HOXA6: variants seen among roughly 807,000 people sequenced by gnomAD.
HOXA6 encodes the protein homeobox protein Hox-A6.
A neutral mutation model predicts 23.2 loss-of-function variants in HOXA6; 19 were observed. That is an observed-to-expected ratio of 0.82 (90% CI 0.57 to 1.20). HOXA6 has a LOEUF of 1.20. Ranked by LOEUF, HOXA6 falls within the 50% of genes most tolerant of loss-of-function variation. The pLI is 0.00. For synonymous variants in HOXA6, 140 were observed against 132.6 expected, an observed-to-expected ratio of 1.06 and a Z score of -0.38; for missense variants, 346 against 313.6, an observed-to-expected ratio of 1.10 and a Z score of -0.78.
rs768371033 is a variant in HOXA6 at position 27,147,490 on chromosome 7, C to A, written c.260G>T (p.Gly87Val). ...CTTGCCACTGCCCGAGGGCGAGGCGCCACTGAGGTCCTTATCAGAATAGAA... is the reference window on the plus strand; with the variant it reads ...CTTGCCACTGCCCGAGGGCGAGGCGACACTGAGGTCCTTATCAGAATAGAA... ...SCFYSDKDLS[G>V]ASPSGSGKQR... The change falls in exon 1 of 2, where the codon GGC becomes GTC. Residue 87 changes from glycine (G) to valine (V), a missense_variant. Transcript: ENST00000222728. 6.2e-7 allele frequency: 1 copy of A among 1,614,078 alleles called. No homozygotes were observed. The highest frequency in any genetic ancestry group is 2.2e-5 in the East Asian group (1 of 44,870).
At position 27,147,477 on chromosome 7, in the gene HOXA6, C is replaced by G. The variant is rs1782811631; in HGVS notation, c.273G>C (p.Ser91=). 1.9e-6 allele frequency: 3 copies of G among 1,613,888 alleles called. No homozygotes were observed. Among genetic ancestry groups the G allele is most frequent in the Non-Finnish European group, 2.5e-6 (3 of 1,180,000 alleles). ...SDKDLSGASP[S]GSGKQRGPGD... The stretch of plus-strand genomic sequence containing the variant: ...CGGGGCCCCTCTGCTTGCCACTGCC[C>G]GAGGGCGAGGCGCCACTGAGGTCCT... The change falls in exon 1 of 2, where the codon TCG becomes TCC. Residue 91 remains serine, a synonymous_variant. Transcript: ENST00000222728.
rs1418077557 is a variant in HOXA6 at position 27,147,237 on chromosome 7, G to A, written c.442+71C>T. ...TTCTCTCTATTCCTCTTTCTACTCT[G>A]TTTCCTCCTTCTTTCTTTCTTTTCC... On this transcript the variant is annotated intron_variant, in intron 1 of 1. Transcript: ENST00000222728. 5 of 1,386,636 alleles carry A rather than the reference G, an allele frequency of 3.6e-6. No individual in the cohort carries two copies. The South Asian group carries it at 3.9e-5, about 11-fold the overall frequency. The allele number at this position is 1,386,636 out of a possible 1,614,324, so 85.9% of individuals were successfully genotyped here.
chr7:27,146,051 G>C, intron 1 of HOXA6, 134 bp from the exon 2 acceptor site: 1 of 1,043,838 alleles, frequency 9.6e-7, no homozygotes, highest in Non-Finnish European at 1.4e-6. Context: ...ACTATGTCTG[G>C]GGCCCAAAGC....
In HOXA6 at chr7:27,147,756, G is replaced by A. The variant is rs935855248; in HGVS notation, c.-7C>T. 2 of 1,601,270 alleles carry A rather than the reference G, an allele frequency of 1.2e-6. No individual in the cohort carries two copies. Among genetic ancestry groups the A allele is most frequent in the Non-Finnish European group, 8.5e-7 (1 of 1,177,220 alleles). On this transcript the variant is annotated 5_prime_UTR_variant, in exon 1 of 2. Coordinates refer to ENST00000222728, the MANE Select transcript of HOXA6 (RefSeq NM_024014.4). Reference sequence around the variant, plus strand: ...TCACAAAATAGGAACTCATTTGCGCGCCCCTCTGCAGGACTGTGATTTGTT... The same window carrying A: ...TCACAAAATAGGAACTCATTTGCGCACCCCTCTGCAGGACTGTGATTTGTT...
chr7:27,147,736 A>G lies in HOXA6; in HGVS notation c.14T>C (p.Phe5Ser). 1 of 1,608,118 alleles carries G rather than the reference A, an allele frequency of 6.2e-7. No individual in the cohort carries two copies. Among genetic ancestry groups the G allele is most frequent in the Non-Finnish European group, 8.5e-7 (1 of 1,178,932 alleles). ...GCTCCCGGGGAAAGTGGGATTCACA[A>G]AATAGGAACTCATTTGCGCGCCCCT... Reference protein sequence around the residue: MSSYFVNPTFPGSLP... With the variant: MSSYSVNPTFPGSLP... The change falls in exon 1 of 2, where the codon TTT (phenylalanine) becomes TCT (serine). Residue 5 changes from phenylalanine (F) to serine (S), a missense_variant. Transcript: ENST00000222728.
At position 27,145,901 on chromosome 7, in the gene HOXA6, G is replaced by C. The variant is rs17500863; in HGVS notation, c.459C>G (p.Ser153Arg). Reference sequence around the variant, plus strand: ...AGGTCTGGCGGCCTCGGCGCCCATGGCTCCCATACACAGCACCTACGAGCA... The same window carrying C: ...AGGTCTGGCGGCCTCGGCGCCCATGCCTCCCATACACAGCACCTACGAGCA... ...MNSCAGAVYG[S>R]HGRRGRQTYT... Residue 153 changes from serine (S) to arginine (R), a missense_variant, in exon 2 of 2, where the codon AGC (serine) becomes AGG (arginine). Physicochemically the swap from Ser to Arg is moderately radical, Grantham distance 110. Transcript: ENST00000222728. The C allele has an allele frequency of 3.1e-6, 5 of 1,612,546 alleles. No homozygotes were observed. Among genetic ancestry groups the C allele is most frequent in the Non-Finnish European group, 4.2e-6 (5 of 1,179,500 alleles).
At chr7:27,146,061 C>T in intron 1 of HOXA6, 144 bp from the exon 2 acceptor site, 1 of 924,784 alleles carries the variant, frequency 1.1e-6, no homozygotes, top group Non-Finnish European at 1.6e-6. Flanking sequence ...GGGCCCAAAG[C>T]ATACTGAATG....
intron 1 of HOXA6, among the ~76,000 whole-genome samples, 197 bp from the exon 2 acceptor site, chr7:27,146,114 G>A (rs895815032): frequency 4.6e-5 from 7 of 152,318 alleles, no homozygotes; most frequent in African/African-American, 1.7e-4. Context: ...CACCTATAAC[G>A]ACTTGGGGTG....
chr7:27,147,682 C>T lies in HOXA6; in HGVS notation c.68G>A (p.Gly23Asp). Residue 23 changes from glycine (G) to aspartate (D), a missense_variant, in exon 1 of 2, where the codon GGC becomes GAC. By Grantham distance (94) the Gly-to-Asp change is moderately conservative. Coordinates refer to ENST00000222728, the MANE Select transcript of HOXA6 (RefSeq NM_024014.4). ...GCCAGCCTGGTAGAGGGGCAGCTGG[C>T]CCAAGAAGGAGTCCTGGCCGCTGGG... ...SLPSGQDSFLGQLPLYQAGYD... is the reference protein window; with the variant it reads ...SLPSGQDSFLDQLPLYQAGYD... The T allele has an allele frequency of 6.2e-7, 1 of 1,613,856 alleles. No homozygotes were observed. Among genetic ancestry groups the T allele is most frequent in the Non-Finnish European group, 8.5e-7 (1 of 1,180,012 alleles).
Position 27,145,462 on chromosome 7 carries a change from GTTTT to G in HOXA6, c.*192_*195del. On this transcript the variant is annotated 3_prime_UTR_variant, in exon 2 of 2. Coordinates refer to ENST00000222728, the MANE Select transcript of HOXA6 (RefSeq NM_024014.4). ...TGTGTGTGAGGTTTTGTTTTGTTTT[GTTTT>G]GTTTTGTTTTGTTTTGTTTTGTTTT... 1.5e-6 allele frequency: 1 copy of G among 659,616 alleles called. No homozygotes were observed. 40.9% of individuals were successfully genotyped at this position (659,616 alleles called of 1,614,324 possible).
rs1782804787 is a variant in HOXA6 at position 27,147,345 on chromosome 7, CG to C, written c.404del (p.Pro135ArgfsTer9). The C allele has an allele frequency of 6.2e-7, 1 of 1,614,158 alleles. No individual in the cohort carries two copies. Among genetic ancestry groups the C allele is most frequent in the Non-Finnish European group, 8.5e-7 (1 of 1,180,020 alleles). On this transcript the variant is annotated frameshift_variant, in exon 1 of 2. Coordinates refer to ENST00000222728, the MANE Select transcript of HOXA6 (RefSeq NM_024014.4). LOFTEE classifies it high-confidence loss of function. The part of the protein sequence containing the change: ...DEGADRKYTS[P>X]VYPWMQRMNS... Reference sequence around the variant, plus strand: ...TCATCCGCTGCATCCAAGGGTAAACCGGGCTCGTGTACTTCCGGTCGGCGCC... The same window carrying C: ...TCATCCGCTGCATCCAAGGGTAAACCGGCTCGTGTACTTCCGGTCGGCGCC...
intron 1 of HOXA6, 63 bp downstream of exon 1, chr7:27,147,245 C>T: frequency 3.5e-6 from 5 of 1,439,304 alleles, no homozygotes; most frequent in Non-Finnish European, 4.8e-6. Context: ...CTGTTTCCTC[C>T]TTCTTTCTTT....
chr7:27,145,649 C>G lies in HOXA6; in HGVS notation c.*9G>C. 2 of 1,611,334 alleles carry G rather than the reference C, an allele frequency of 1.2e-6. No individual in the cohort carries two copies. Among genetic ancestry groups the G allele is most frequent in the South Asian group, 2.2e-5 (2 of 90,894 alleles). ...GGTTGCAGCGCTGGCCTGGTCCCTGCCCAGGCATCTACTCGCCCGCCTTTG... is the reference window on the plus strand; with the variant it reads ...GGTTGCAGCGCTGGCCTGGTCCCTGGCCAGGCATCTACTCGCCCGCCTTTG... On this transcript the variant is annotated 3_prime_UTR_variant, in exon 2 of 2. Transcript: ENST00000222728.
In HOXA6 at chr7:27,147,716, C is replaced by T. The variant is rs1290978067; in HGVS notation, c.34G>A (p.Gly12Arg). The part of the protein sequence containing the change: ...SSYFVNPTFP[G>R]SLPSGQDSFL... ...GAGTCCTGGCCGCTGGGAAGGCTCC[C>T]GGGGAAAGTGGGATTCACAAAATAG... Residue 12 changes from glycine (G) to arginine (R), a missense_variant, in exon 1 of 2, where the codon GGG becomes AGG. Physicochemically the swap from Gly to Arg is moderately radical, Grantham distance 125. Transcript: ENST00000222728. 2 of 1,611,298 alleles carry T rather than the reference C, an allele frequency of 1.2e-6. No homozygotes were observed. The highest frequency in any genetic ancestry group is 1.7e-6 in the Non-Finnish European group (2 of 1,179,436).
chr7:27,146,247 G>A (rs962134858), intron 1 of HOXA6, among the ~76,000 whole-genome samples: 1 of 81,164 alleles, frequency 1.2e-5, no homozygotes, highest in African/African-American at 4.4e-5. Context: ...GTGTGTGTGT[G>A]TGTTTGTGTG....
chr7:27,145,854 T>C lies in HOXA6; in HGVS notation c.506A>G (p.Glu169Gly), dbSNP rs202074180. Residue 169 changes from glutamate (E) to glycine (G), a missense_variant, in exon 2 of 2, where the codon GAG becomes GGG. Coordinates refer to ENST00000222728, the MANE Select transcript of HOXA6 (RefSeq NM_024014.4). ...GTTGAAGTGGAACTCCTTCTCCAGCTCCAGTGTCTGGTAGCGCGTGTAGGT... is the reference window on the plus strand; with the variant it reads ...GTTGAAGTGGAACTCCTTCTCCAGCCCCAGTGTCTGGTAGCGCGTGTAGGT... ...RQTYTRYQTL[E>G]LEKEFHFNRY... is the part of the protein sequence containing the mutation. The C allele has an allele frequency of 4.3e-6, 7 of 1,614,082 alleles. No individual in the cohort carries two copies. The highest frequency in any genetic ancestry group is 5.9e-6 in the Non-Finnish European group (7 of 1,180,052).
At position 27,145,597 on chromosome 7, in the gene HOXA6, C is replaced by A. The variant is rs547120546; in HGVS notation, c.*61G>T. On this transcript the variant is annotated 3_prime_UTR_variant, in exon 2 of 2. Coordinates refer to ENST00000222728, the MANE Select transcript of HOXA6 (RefSeq NM_024014.4). ...GCGGGGAGAAAAGTTGGGGAACAGG[C>A]GAGGGCAAGGGGGCAAAGCCGAAGG... 1.9e-5 allele frequency: 30 copies of A among 1,561,850 alleles called. No homozygotes were observed. In the South Asian group the frequency reaches 3.0e-4, roughly 16 times the overall value.
intron 1 of HOXA6, 42 bp downstream of exon 1, chr7:27,147,266 C>T: frequency 1.3e-6 from 2 of 1,532,992 alleles, no homozygotes; most frequent in South Asian, 1.2e-5. Flanking sequence ...CTTTTCCTGC[C>T]TCCTTTCCCC....
rs773221274 is a variant in HOXA6 at position 27,145,763 on chromosome 7, G to A, written c.597C>T (p.Ile199=). Residue 199 remains isoleucine (I), a synonymous_variant, in exon 2 of 2, where the codon ATC becomes ATT. Transcript: ENST00000222728. ...ANALCLTERQ[I]KIWFQNRRMK... ...TGCGGCGGTTCTGGAACCAGATCTTGATCTGGCGCTCGGTGAGGCAGAGCG... is the reference window on the plus strand; with the variant it reads ...TGCGGCGGTTCTGGAACCAGATCTTAATCTGGCGCTCGGTGAGGCAGAGCG... 1 of 1,614,250 alleles carries A rather than the reference G, an allele frequency of 6.2e-7. No homozygotes were observed. The highest frequency in any genetic ancestry group is 8.5e-7 in the Non-Finnish European group (1 of 1,180,044).
Sources: gnomAD v4.1 joint callset for allele counts (sites outside exome capture counted in the v4.1 genomes callset) on GRCh38, gnomAD v4.1.1 for gene constraint, MANE v1.5 for transcripts, NCBI Gene and HGNC (gene_info 2026-07-23, HGNC 2026-07-21) for gene names.